The following NLGN1 variants were observed in gnomAD, a reference collection of about 807,000 sequenced individuals.
NLGN1 encodes the protein neuroligin-1.
NLGN1 carries 12 observed loss-of-function variants against 65.5 expected under a neutral mutation model. The observed-to-expected ratio is 0.18, with a 90% CI of 0.12 to 0.30. The LOEUF (loss-of-function observed/expected upper bound fraction) is 0.30. Among genes scored for constraint, NLGN1 ranks in the 10% least tolerant of loss-of-function variants. The pLI is 1.00. For missense variants in NLGN1, 750 were observed against 1,007.1 expected (o/e 0.74, Z 3.46); for synonymous variants, 350 against 359.5 (o/e 0.97, Z 0.30).
intron 4 of NLGN1, among the ~76,000 whole-genome samples, chr3:174,048,993 T>A (rs1266777149): frequency 6.6e-6 from 1 of 151,858 alleles, no homozygotes; most frequent in African/African-American, 2.4e-5. Context: ...AAACAAAAAT[T>A]TCTGCATCTT....
intron 2 of NLGN1, among the ~76,000 whole-genome samples, chr3:173,567,151 T>G (rs1482678680): frequency 6.6e-6 from 1 of 152,088 alleles, no homozygotes; most frequent in Non-Finnish European, 1.5e-5. Flanking sequence ...TTATTTTATG[T>G]GTGTGTGTAT....
chr3:174,053,785 C>T (rs1735442069), intron 4 of NLGN1, among the ~76,000 whole-genome samples: 1 of 151,742 alleles, frequency 6.6e-6, no homozygotes, highest in Non-Finnish European at 1.5e-5. Flanking sequence ...CTACCTTTTC[C>T]TTGGGTGTCT....
chr3:173,756,418 G>T (rs1357084761), intron 3 of NLGN1, among the ~76,000 whole-genome samples: 1 of 151,820 alleles, frequency 6.6e-6, no homozygotes, highest in Non-Finnish European at 1.5e-5. Flanking sequence ...GTAAGAGAAA[G>T]AATATGGAAG....
chr3:173,789,813 A>G (rs1226470323), intron 3 of NLGN1: 1 of 490,944 alleles, frequency 2.0e-6, no homozygotes, highest in Non-Finnish European at 4.1e-6. Flanking sequence ...GTTCAAATTC[A>G]AACTTTCATA....
At chr3:173,680,858 C>A (rs1289745625) in intron 3 of NLGN1, among the ~76,000 whole-genome samples, 1 of 151,982 alleles carries the variant, frequency 6.6e-6, no homozygotes, top group Non-Finnish European at 1.5e-5. Flanking sequence ...GCAAATGTAC[C>A]CTTTCTGGCT....
intron 4 of NLGN1, among the ~76,000 whole-genome samples, chr3:173,949,527 G>C (rs1404202391): frequency 6.6e-6 from 1 of 152,080 alleles, no homozygotes; most frequent in African/African-American, 2.4e-5. Flanking sequence ...GGTAAAAGAG[G>C]CATCTGGATT....
intron 4 of NLGN1, among the ~76,000 whole-genome samples, chr3:174,215,293 T>C (rs555480993): frequency 6.6e-6 from 1 of 152,342 alleles, no homozygotes; most frequent in East Asian, 1.9e-4. Context: ...GCCTCTGGTA[T>C]GCTCAAGACA....
At chr3:173,992,399 G>T (rs754571425) in intron 4 of NLGN1, among the ~76,000 whole-genome samples, 1 of 152,086 alleles carries the variant, frequency 6.6e-6, no homozygotes, top group Non-Finnish European at 1.5e-5. Flanking sequence ...GATACAGAAA[G>T]AACAAATTGA....
intron 3 of NLGN1, among the ~76,000 whole-genome samples, chr3:173,643,405 A>G (rs12492914): frequency 0.052 from 7,871 of 152,186 alleles, 470 homozygotes; most frequent in African/African-American, 0.13. Flanking sequence ...AATAATGGTA[A>G]TAAGAGCATA....
chr3:173,473,695 G>T (rs1003898096), intron 2 of NLGN1, among the ~76,000 whole-genome samples: 2 of 152,030 alleles, frequency 1.3e-5, no homozygotes, highest in African/African-American at 4.8e-5. Flanking sequence ...AAAACAATAC[G>T]TTATTTTTTG....
intron 3 of NLGN1, among the ~76,000 whole-genome samples, chr3:173,783,156 G>A (rs974836889): frequency 2.0e-5 from 3 of 152,148 alleles, no homozygotes; most frequent in Admixed American, 6.5e-5. Flanking sequence ...GAAGCTAAGG[G>A]TGGATGAGGG....
At chr3:173,615,743 G>GTT (rs5854521) in intron 3 of NLGN1, among the ~76,000 whole-genome samples, 19,917 of 141,344 alleles carry the variant, frequency 0.14, 1,522 homozygotes, top group Middle Eastern at 0.25. Context: ...CCATCCATCT[G>GTT]TTTTTTTTTT....
chr3:173,780,411 T>C (rs1780949698), intron 3 of NLGN1, among the ~76,000 whole-genome samples: 1 of 152,230 alleles, frequency 6.6e-6, no homozygotes, highest in South Asian at 2.1e-4. Context: ...CTCAATAGTT[T>C]ATTGGCTGAA....
At chr3:174,277,666 C>CCAAAA (rs1454603945) in intron 5 of NLGN1, among the ~76,000 whole-genome samples, 1 of 151,630 alleles carries the variant, frequency 6.6e-6, no homozygotes, top group South Asian at 2.1e-4. Context: ...TGTCAGAAAA[C>CCAAAA]CAAAACAAAT....
chr3:173,989,009 C>T (rs1480277350), intron 4 of NLGN1, among the ~76,000 whole-genome samples: 1 of 152,134 alleles, frequency 6.6e-6, no homozygotes, highest in Non-Finnish European at 1.5e-5. Context: ...GAACAGCTAG[C>T]AGATTGAGAA....
At chr3:174,135,437 A>G (rs1721034196) in intron 4 of NLGN1, among the ~76,000 whole-genome samples, 1 of 152,200 alleles carries the variant, frequency 6.6e-6, no homozygotes, top group Non-Finnish European at 1.5e-5. Context: ...TGTCTAGAGA[A>G]TATGTGGCTT....
intron 3 of NLGN1, among the ~76,000 whole-genome samples, chr3:173,797,696 C>CAAAAAAAAAAAA (rs112560290): frequency 2.1e-5 from 3 of 144,684 alleles, no homozygotes; most frequent in East Asian, 2.1e-4. Flanking sequence ...ACAACAACAA[C>CAAAAAAAAAAAA]AACAAAAAAA....
intron 2 of NLGN1, among the ~76,000 whole-genome samples, chr3:173,492,222 C>T (rs1729288705): frequency 6.6e-6 from 1 of 151,780 alleles, no homozygotes; most frequent in South Asian, 2.1e-4. Context: ...TATCTGACTT[C>T]TAGTAGGTGT....
intron 1 of NLGN1, among the ~76,000 whole-genome samples, chr3:173,410,718 A>T (rs1326879906): frequency 6.6e-6 from 1 of 152,216 alleles, no homozygotes; most frequent in Non-Finnish European, 1.5e-5. Flanking sequence ...CATTTTCTAT[A>T]CATGTTTAAA....
Sources: gnomAD v4.1 joint callset for allele counts (sites outside exome capture counted in the v4.1 genomes callset) on GRCh38, gnomAD v4.1.1 for gene constraint, MANE v1.5 for transcripts, NCBI Gene and HGNC (gene_info 2026-07-23, HGNC 2026-07-21) for gene names.